Variants in KAT6B observed in about 807,000 individuals in gnomAD.
The protein encoded by KAT6B is lysine acetyltransferase 6B, also known as histone acetyltransferase KAT6B.
Under a neutral mutation model 187.5 loss-of-function variants are expected in KAT6B, and 10 were observed. That is an observed-to-expected ratio of 0.05 (90% CI 0.03 to 0.09). The LOEUF is 0.09. KAT6B is among the 10% of genes least tolerant of loss of function. The probability of loss-of-function intolerance (pLI) is 1.00; values close to 1 mark genes in which losing one functional copy is unlikely to be tolerated. For missense variants in KAT6B, 1,952 were observed against 2,558.9 expected, an observed-to-expected ratio of 0.76 and a Z score of 5.12; for synonymous variants, 861 against 926.8, an observed-to-expected ratio of 0.93 and a Z score of 1.29.
chr10:75,029,476 A>G lies in KAT6B; in HGVS notation c.4652A>G (p.Glu1551Gly), dbSNP rs1254138235. 6.2e-7 allele frequency: 1 copy of G among 1,614,064 alleles called. No individual in the cohort carries two copies. Among genetic ancestry groups the G allele is most frequent in the African/African-American group, 1.3e-5 (1 of 74,920 alleles). ...CAGGCCGTTCAGTCTTTGACCCAGG[A>G]GAGCAGCGAACAGGACGACACCTTT... ...TVQAVQSLTQ[E>G]SSEQDDTFQD... is the part of the protein sequence containing the mutation. The change falls in exon 18 of 18, where the codon GAG becomes GGG. Residue 1551 changes from glutamate (E) to glycine (G), a missense_variant. This residue lies in a region of KAT6B where 758 missense variants were observed against 891.4 expected (regional missense o/e 0.85). Coordinates refer to ENST00000287239, the MANE Select transcript of KAT6B (RefSeq NM_012330.4). This position sits in a 1 kb window ranked among gnomAD's most constrained non-coding sequence, Gnocchi z 6.2.
Position 74,919,968 on chromosome 10 carries a change from A to C in KAT6B, c.622-40002A>C, listed in dbSNP as rs141034312. Reference sequence around the variant, plus strand: ...GTTTTTATCTCTTTGAATATAGTTAATGTCATTGTTTTTAAATCTTTACCT... The same window carrying C: ...GTTTTTATCTCTTTGAATATAGTTACTGTCATTGTTTTTAAATCTTTACCT... On this transcript the variant is annotated intron_variant, in intron 3 of 17. Transcript: ENST00000287239. Among the ~76,000 whole-genome samples, 38 of 152,226 alleles carry C rather than the reference A, an allele frequency of 2.5e-4. No individual in the cohort carries two copies. The East Asian group carries it at 6.8e-3, about 27-fold the overall frequency.
At chr10:74,847,419 T>C (rs980659586) in intron 3 of KAT6B, among the ~76,000 whole-genome samples, 1 of 152,288 alleles carries the variant, frequency 6.6e-6, no homozygotes. Context: ...TCCCAGCACT[T>C]TGGGAGGCCG....
At chr10:74,914,140 C>T (rs1847463709) in intron 3 of KAT6B, among the ~76,000 whole-genome samples, 1 of 151,436 alleles carries the variant, frequency 6.6e-6, no homozygotes, top group Admixed American at 6.6e-5. Flanking sequence ...GGGCTGAGAT[C>T]ACGCCAGTGC....
rs1846327780 is a variant in KAT6B, at chr10:75,031,730, T to C, written c.*684T>C. The C allele has an allele frequency of 4.7e-6, 1 of 211,282 alleles. No homozygotes were observed. The highest frequency in any genetic ancestry group is 9.6e-6 in the Non-Finnish European group (1 of 104,170). 13.1% of individuals were successfully genotyped at this position (211,282 alleles called of 1,614,324 possible). A position where few individuals can be genotyped will look rare whatever the true frequency, so the allele number is the denominator to read the frequency against. On this transcript the variant is annotated 3_prime_UTR_variant, in exon 18 of 18. Transcript: ENST00000287239. ...ATGTTTGGTGTAAAGTTGAGACCCT[T>C]TTCCATTTTGGTGACAGATTTCTTT...
chr10:74,971,806 C>A (rs1050336446), intron 6 of KAT6B, among the ~76,000 whole-genome samples: 2 of 152,100 alleles, frequency 1.3e-5, no homozygotes, highest in Admixed American at 1.3e-4. Context: ...CAATATTCAT[C>A]TGTCTAGAAT....
chr10:74,921,858 A>G (rs754257879), intron 3 of KAT6B, among the ~76,000 whole-genome samples: 1 of 152,212 alleles, frequency 6.6e-6, no homozygotes, highest in Non-Finnish European at 1.5e-5. Flanking sequence ...CAAGGTGTTA[A>G]TGAGACATCG....
At chr10:74,950,527 C>A (rs1840245525) in intron 3 of KAT6B, among the ~76,000 whole-genome samples, 1 of 152,198 alleles carries the variant, frequency 6.6e-6, no homozygotes, top group Admixed American at 6.5e-5. Context: ...ATATCTGAAG[C>A]AGATTGCTGT....
At chr10:74,891,277 T>C (rs952304488) in intron 3 of KAT6B, among the ~76,000 whole-genome samples, 1 of 152,250 alleles carries the variant, frequency 6.6e-6, no homozygotes, top group Non-Finnish European at 1.5e-5. Flanking sequence ...GCAGGAAGCC[T>C]TCAGTCAACT....
intron 13 of KAT6B, among the ~76,000 whole-genome samples, chr10:74,996,768 C>CA (rs56042160): frequency 1.1e-3 from 83 of 76,988 alleles, no homozygotes; most frequent in East Asian, 1.8e-3. Flanking sequence ...GACTCGGTCT[C>CA]AAAAAAAAAA....
intron 3 of KAT6B, 87 bp downstream of exon 3, chr10:74,843,565 C>T: frequency 6.6e-7 from 1 of 1,507,024 alleles, no homozygotes; most frequent in Non-Finnish European, 9.2e-7. Context: ...GACAAAAGTT[C>T]TGAATAAAGT....
Position 74,975,846 on chromosome 10 carries a change from G to A in KAT6B, c.1509G>A (p.Gln503=), listed in dbSNP as rs1842121664. The A allele has an allele frequency of 1.9e-6, 3 of 1,614,004 alleles. No homozygotes were observed. The highest frequency in any genetic ancestry group is 2.5e-6 in the Non-Finnish European group (3 of 1,179,988). The change falls in exon 8 of 18, where the codon CAG becomes CAA. Residue 503 remains glutamine (Q), a synonymous_variant. Transcript: ENST00000287239. ...CACCCCCAACCCCCATCTCCGGTCAGAGCCCCAGTTCACAAAAGTCCAGCA... is the reference window on the plus strand; with the variant it reads ...CACCCCCAACCCCCATCTCCGGTCAAAGCCCCAGTTCACAAAAGTCCAGCA... ...SLPPPTPISG[Q]SPSSQKSSTA...
At chr10:74,887,579 C>T (rs1253079909) in intron 3 of KAT6B, among the ~76,000 whole-genome samples, 1 of 152,130 alleles carries the variant, frequency 6.6e-6, no homozygotes, top group African/African-American at 2.4e-5. Context: ...CCTGCCTCAG[C>T]CTCCCAAAGT....
chr10:74,915,009 A>G (rs1430672628), intron 3 of KAT6B, among the ~76,000 whole-genome samples: 2 of 152,186 alleles, frequency 1.3e-5, no homozygotes, highest in African/African-American at 2.4e-5. Flanking sequence ...CTGAGGCAGG[A>G]GGATTGCTGG....
chr10:74,996,600 C>T (rs893919225), intron 13 of KAT6B, among the ~76,000 whole-genome samples: 19 of 152,008 alleles, frequency 1.2e-4, no homozygotes, highest in African/African-American at 4.6e-4. Context: ...GAAACCCCGT[C>T]TCTACTAAAA....
intron 3 of KAT6B, among the ~76,000 whole-genome samples, chr10:74,919,308 A>T (rs955768609): frequency 2.6e-5 from 4 of 151,888 alleles, no homozygotes; most frequent in Admixed American, 6.6e-5. Flanking sequence ...ATTTATTTTT[A>T]TTTATTCTGC....
chr10:74,945,646 C>G lies in KAT6B; in HGVS notation c.622-14324C>G, dbSNP rs143486825. On this transcript the variant is annotated intron_variant, in intron 3 of 17. Coordinates refer to ENST00000287239, the MANE Select transcript of KAT6B (RefSeq NM_012330.4). Reference sequence around the variant, plus strand: ...TGTATTTTTAATAGAGACGGGGTCTCACCATGTTTATCAGGCTGGTCTCCA... The same window carrying G: ...TGTATTTTTAATAGAGACGGGGTCTGACCATGTTTATCAGGCTGGTCTCCA... Among the ~76,000 whole-genome samples the G allele has an allele frequency of 2.1e-3, 318 of 152,184 alleles. 1 individual carries two copies. Among genetic ancestry groups the G allele is most frequent in the African/African-American group, 7.3e-3 (303 of 41,522 alleles).
chr10:74,897,031 TTACTC>T (rs1846040868), intron 3 of KAT6B, among the ~76,000 whole-genome samples: 1 of 152,186 alleles, frequency 6.6e-6, no homozygotes, highest in African/African-American at 2.4e-5. Context: ...TTAATATGGT[TTACTC>T]TACTTGATTA....
At chr10:74,940,588 T>C (rs1270940674) in intron 3 of KAT6B, among the ~76,000 whole-genome samples, 2 of 151,362 alleles carry the variant, frequency 1.3e-5, no homozygotes, top group Admixed American at 6.6e-5. Context: ...TTTTTTTTTT[T>C]TTTCTTTCTT....
At chr10:74,825,748 G>C, upstream of KAT6B, 1 of 150,146 alleles carries the variant, frequency 6.7e-6, no homozygotes, top group East Asian at 2.0e-4. The surrounding 1 kb of genome is among the most constrained non-coding windows in gnomAD (Gnocchi z 5.0). Context: ...CGAGTGTGGA[G>C]CCGGGGGGTG....
Sources: gnomAD v4.1 joint callset for allele counts (sites outside exome capture counted in the v4.1 genomes callset) on GRCh38, gnomAD v4.1.1 for gene constraint, gnomAD v4.1.1 regional missense constraint, Gnocchi (gnomAD v3.1) non-coding constraint, MANE v1.5 for transcripts, NCBI Gene and HGNC (gene_info 2026-07-23, HGNC 2026-07-21) for gene names.